The following SHPRH variants were observed in gnomAD, a reference collection of about 807,000 sequenced individuals.
SHPRH encodes E3 ubiquitin-protein ligase SHPRH.
Under a neutral mutation model 202.5 loss-of-function variants are expected in SHPRH, and 106 were observed. The ratio of observed to expected loss-of-function variants is 0.52; its 90% CI spans 0.45 to 0.62. SHPRH has a LOEUF of 0.62. Among genes scored for constraint, SHPRH ranks in the 20% least tolerant of loss-of-function variants. The pLI, the probability that SHPRH is intolerant of heterozygous loss-of-function variation, is 0.00. For missense variants in SHPRH, 1,710 were observed against 2,020.0 expected (o/e 0.85, Z 2.94); for synonymous variants, 729 against 686.0 (o/e 1.06, Z -0.98).
chr6:145,895,126 TTG>T, intron 25 of SHPRH, 149 bp from the exon 26 acceptor site: 1 of 656,026 alleles, frequency 1.5e-6, no homozygotes, highest in East Asian at 2.9e-5. Context: ...CTTTTTCATT[TTG>T]TGTTTGCTGG....
intron 14 of SHPRH, among the ~76,000 whole-genome samples, chr6:145,929,072 TA>T (rs1332367356): frequency 6.6e-6 from 1 of 151,910 alleles, no homozygotes; most frequent in Non-Finnish European, 1.5e-5. Context: ...GTATAGTGAT[TA>T]AACTATAATG....
chr6:145,948,333 A>G lies in SHPRH; in HGVS notation c.1000T>C (p.Leu334=), dbSNP rs1333273366. The change falls in exon 5 of 30, where the codon TTA becomes CTA. Residue 334 remains leucine (L), a synonymous_variant. Transcript: ENST00000275233. ...SPATESALHF[L]WREIVTSEGL... is the part of the protein sequence containing the mutation. ...TCAGATGTAACAATCTCTCGCCATAAGAAGTGCAGGGCACTTTCTAAAGAA... is the reference window on the plus strand; with the variant it reads ...TCAGATGTAACAATCTCTCGCCATAGGAAGTGCAGGGCACTTTCTAAAGAA... 4 of 1,605,192 alleles carry G rather than the reference A, an allele frequency of 2.5e-6. No homozygotes were observed. Among genetic ancestry groups the G allele is most frequent in the Non-Finnish European group, 3.4e-6 (4 of 1,175,360 alleles).
chr6:145,878,066 C>T (rs1346642886), intron 2 of SHPRH: 1 of 152,166 alleles, frequency 6.6e-6, no homozygotes, highest in African/African-American at 2.4e-5. Context: ...CAGAATAAAT[C>T]TCTTCAAATA....
chr6:145,924,482 T>C (rs189911143), intron 17 of SHPRH, among the ~76,000 whole-genome samples: 2 of 152,014 alleles, frequency 1.3e-5, no homozygotes, highest in East Asian at 1.9e-4. Context: ...ACAACTGTTA[T>C]ATACTCATGG....
intron 4 of SHPRH, 42 bp downstream of exon 4, chr6:145,950,222 C>A: frequency 6.4e-7 from 1 of 1,561,606 alleles, no homozygotes. Context: ...CTGATGTAAT[C>A]TCTCTAATCA....
At chr6:145,869,833 T>TG (rs1779974852) in intron 2 of SHPRH, among the ~76,000 whole-genome samples, 2 of 151,008 alleles carry the variant, frequency 1.3e-5, no homozygotes. Flanking sequence ...TTTTTTTTTT[T>TG]GCCTCTCCAT....
chr6:145,944,239 T>C (rs2128785187), intron 8 of SHPRH, among the ~76,000 whole-genome samples: 1 of 152,304 alleles, frequency 6.6e-6, no homozygotes, highest in East Asian at 1.9e-4. Flanking sequence ...TGATTCCTTC[T>C]TTCCTTCCCT....
intron 2 of SHPRH, among the ~76,000 whole-genome samples, chr6:145,953,276 T>A (rs1027787416): frequency 2.0e-5 from 3 of 152,070 alleles, no homozygotes; most frequent in African/African-American, 7.2e-5. Context: ...AAGAGTGTAT[T>A]TCATTACTGC....
chr6:145,897,408 CA>C (rs1297338712), intron 25 of SHPRH, among the ~76,000 whole-genome samples: 1 of 151,956 alleles, frequency 6.6e-6, no homozygotes, highest in Non-Finnish European at 1.5e-5. Context: ...AGTCTCCCCT[CA>C]AAGAAAAGCA....
intron 25 of SHPRH, 86 bp from the exon 26 acceptor site, chr6:145,895,063 T>C (rs1438934841): frequency 1.7e-6 from 2 of 1,151,236 alleles, no homozygotes; most frequent in African/African-American, 3.2e-5. Flanking sequence ...TACTTTTTAT[T>C]ATCAAAACTA....
At chr6:145,934,142 C>T (rs1199328517) in intron 13 of SHPRH, among the ~76,000 whole-genome samples, 2 of 151,946 alleles carry the variant, frequency 1.3e-5, no homozygotes, top group Non-Finnish European at 2.9e-5. Context: ...TGTTCAGGAT[C>T]AGCTCAGGCA....
At chr6:145,902,481 A>G (rs1295738146) in intron 25 of SHPRH, among the ~76,000 whole-genome samples, 1 of 152,154 alleles carries the variant, frequency 6.6e-6, no homozygotes, top group Non-Finnish European at 1.5e-5. Flanking sequence ...TTTCTTTGCC[A>G]TAAATTCAGT....
intron 1 of SHPRH, among the ~76,000 whole-genome samples, chr6:145,962,362 G>A (rs141707835): frequency 3.6e-4 from 55 of 152,330 alleles, no homozygotes; most frequent in Non-Finnish European, 5.4e-4. Flanking sequence ...TTCCGTGGAT[G>A]TATTCCCTCC....
intron 25 of SHPRH, chr6:145,908,110 AT>A (rs1280324804): frequency 6.6e-6 from 1 of 152,010 alleles, no homozygotes; most frequent in Admixed American, 6.6e-5. Flanking sequence ...CTTTTTATGG[AT>A]GCATAGTATT....
chr6:145,864,939 A>ACT (rs1259843023), intron 2 of SHPRH, among the ~76,000 whole-genome samples: 1 of 102,340 alleles, frequency 9.8e-6, no homozygotes, highest in Non-Finnish European at 2.3e-5. Flanking sequence ...ATAAACACAC[A>ACT]CACTCACACA....
At chr6:145,935,466 T>C (rs1472507760) in intron 11 of SHPRH, 25 bp from the exon 12 acceptor site, 5 of 1,609,830 alleles carry the variant, frequency 3.1e-6, no homozygotes, top group Middle Eastern at 1.7e-4. Flanking sequence ...TAAAATACAT[T>C]GAGGATAACT....
intron 28 of SHPRH, among the ~76,000 whole-genome samples, chr6:145,888,863 G>T (rs991708053): frequency 6.6e-6 from 1 of 152,134 alleles, no homozygotes; most frequent in Non-Finnish European, 1.5e-5. Context: ...TTTGGAGGTA[G>T]AGCTGACAAA....
At chr6:145,915,375 T>C (rs1160352589) in intron 23 of SHPRH, among the ~76,000 whole-genome samples, 1 of 151,856 alleles carries the variant, frequency 6.6e-6, no homozygotes, top group Non-Finnish European at 1.5e-5. Flanking sequence ...ATTTAAGCTT[T>C]TGTTCTTCAT....
At chr6:145,926,397 GATC>G in intron 15 of SHPRH, 101 bp from the exon 16 acceptor site, 1 of 954,332 alleles carries the variant, frequency 1.0e-6, no homozygotes, top group East Asian at 2.5e-5. Flanking sequence ...ACCACATTAA[GATC>G]ATATCACCAA....
Sources: allele counts gnomAD v4.1 joint callset (sites outside exome capture counted in the v4.1 genomes callset), GRCh38; gene constraint gnomAD v4.1.1; transcripts MANE v1.5; gene names NCBI Gene and HGNC (gene_info 2026-07-23, HGNC 2026-07-21).